ZC3H3: variants seen among roughly 807,000 people sequenced by gnomAD.
ZC3H3 encodes the protein zinc finger CCCH-type containing 3.
A neutral mutation model predicts 77.3 loss-of-function variants in ZC3H3; 36 were observed. The observed-to-expected ratio is 0.47, with a 90% CI of 0.36 to 0.61. The LOEUF is 0.61. ZC3H3 is among the 20% of genes least tolerant of loss of function. The pLI is 0.00. For missense variants in ZC3H3, 1,331 were observed against 1,312.2 expected (o/e 1.01, Z -0.22); for synonymous variants, 626 against 555.2 (o/e 1.13, Z -1.79).
At position 143,470,195 on chromosome 8, in the gene ZC3H3, T is replaced by C. The variant is rs577430084; in HGVS notation, c.1904-1536A>G. Among the ~76,000 whole-genome samples the C allele has an allele frequency of 2.8e-3, 423 of 152,316 alleles. 1 individual carries two copies. Among genetic ancestry groups the C allele is most frequent in the Non-Finnish European group, 4.3e-3 (294 of 68,034 alleles). The stretch of plus-strand genomic sequence containing the variant: ...CCCTAGCTAGGGTCAGTGGTGCTGC[T>C]GCCCTTCACCCTCAGGGGCCCTGCC... On this transcript the variant is annotated intron_variant, in intron 5 of 11. Transcript: ENST00000262577.
rs1430695368 is a variant in ZC3H3 at position 143,441,091 on chromosome 8, G to A, written c.2337C>T (p.Pro779=). 5.5e-6 allele frequency: 8 copies of A among 1,459,570 alleles called. No homozygotes were observed. Among genetic ancestry groups the A allele is most frequent in the South Asian group, 2.8e-5 (2 of 70,224 alleles). The allele number at this position is 1,459,570 out of a possible 1,614,324, so 90.4% of individuals were successfully genotyped here. The change falls in exon 10 of 12, where the codon CCC becomes CCT. Residue 779 remains proline, a synonymous_variant. Coordinates refer to ENST00000262577, the MANE Select transcript of ZC3H3 (RefSeq NM_015117.3). ...KCKKKHTLLC[P]DFARRGACPR... ...GACACGCCCCCCTGCGGGCAAAGTC[G>A]GGGCACAGCAGCGTGTGTTTCTTCT...
intron 3 of ZC3H3, among the ~76,000 whole-genome samples, chr8:143,521,754 GC>G (rs1384003574): frequency 6.6e-6 from 1 of 152,188 alleles, no homozygotes; most frequent in Non-Finnish European, 1.5e-5. Context: ...AGAGTCTGGG[GC>G]CCCCAGAAGG....
At chr8:143,448,250 G>A (rs1335388056) in intron 9 of ZC3H3, among the ~76,000 whole-genome samples, 1 of 151,914 alleles carries the variant, frequency 6.6e-6, no homozygotes, top group Non-Finnish European at 1.5e-5. Flanking sequence ...AGGTTGCGGT[G>A]AGCCAAGATA....
At chr8:143,456,363 G>A (rs1820123116) in intron 9 of ZC3H3, among the ~76,000 whole-genome samples, 1 of 152,118 alleles carries the variant, frequency 6.6e-6, no homozygotes, top group Non-Finnish European at 1.5e-5. Context: ...ACAGAGATTG[G>A]CAGAGTGAAT....
Position 143,440,303 on chromosome 8 carries a change from C to G in ZC3H3, c.2553G>C (p.Ala851=). The change falls in exon 11 of 12, where the codon GCG becomes GCC. Residue 851 remains alanine (A), a synonymous_variant. Coordinates refer to ENST00000262577, the MANE Select transcript of ZC3H3 (RefSeq NM_015117.3). ...AGTGGGGAGGTGCAGCCACGGCAGC[C>G]GCAGTGAGGGCAGCCGAGCTGGGCG... ...RQTPSSAALT[A]AAVAAPPHCP... The G allele has an allele frequency of 1.3e-6, 2 of 1,564,288 alleles. No individual in the cohort carries two copies. Among genetic ancestry groups the G allele is most frequent in the Non-Finnish European group, 8.7e-7 (1 of 1,152,388 alleles).
Position 143,440,248 on chromosome 8 carries a change from A to C in ZC3H3, c.2608T>G (p.Ser870Ala). Reference sequence around the variant, plus strand: ...GAGGAGGAGGAGGAGGAAGCCTTCGAGGATGAGGGAGAGGCTGACCCCCCT... The same window carrying C: ...GAGGAGGAGGAGGAGGAAGCCTTCGCGGATGAGGGAGAGGCTGACCCCCCT... The part of the protein sequence containing the change: ...CPGGSASPSS[S>A]KASSSSSSSS... Residue 870 changes from serine (S) to alanine (A), a missense_variant, in exon 11 of 12, where the codon TCG becomes GCG. Coordinates refer to ENST00000262577, the MANE Select transcript of ZC3H3 (RefSeq NM_015117.3). 1.3e-6 allele frequency: 2 copies of C among 1,596,692 alleles called. No individual in the cohort carries two copies. The highest frequency in any genetic ancestry group is 1.7e-6 in the Non-Finnish European group (2 of 1,172,954).
intron 3 of ZC3H3, among the ~76,000 whole-genome samples, chr8:143,523,069 C>T (rs535751656): frequency 4.6e-4 from 70 of 152,328 alleles, no homozygotes; most frequent in African/African-American, 1.0e-3. Flanking sequence ...GGGCTAGTGA[C>T]GGGGCAATCT....
At chr8:143,495,765 T>TC (rs565120311) in intron 4 of ZC3H3, among the ~76,000 whole-genome samples, 5 of 141,518 alleles carry the variant, frequency 3.5e-5, no homozygotes, top group Non-Finnish European at 6.0e-5. Flanking sequence ...TTTCTTTCTT[T>TC]TTTTTTTTTT....
chr8:143,536,176 G>A, intron 3 of ZC3H3, 81 bp downstream of exon 3: 2 of 1,473,152 alleles, frequency 1.4e-6, no homozygotes, highest in Non-Finnish European at 1.8e-6. Flanking sequence ...GGCAGGGAAG[G>A]TGCCCATGGC....
At chr8:143,516,752 G>C (rs922858722) in intron 3 of ZC3H3, among the ~76,000 whole-genome samples, 3 of 152,202 alleles carry the variant, frequency 2.0e-5, no homozygotes, top group African/African-American at 7.2e-5. Context: ...CACATGAGAG[G>C]ATGGCCCCTC....
At chr8:143,478,276 G>A (rs1357536062) in intron 4 of ZC3H3, among the ~76,000 whole-genome samples, 2 of 152,190 alleles carry the variant, frequency 1.3e-5, no homozygotes, top group African/African-American at 2.4e-5. Flanking sequence ...GCTCTCCAAA[G>A]GCACCCGGAT....
In ZC3H3 at chr8:143,527,570, T is replaced by C. The variant is rs1308535682; in HGVS notation, c.1561+8687A>G. Among the ~76,000 whole-genome samples, 3 of 152,378 alleles carry C rather than the reference T, an allele frequency of 2.0e-5. 1 individual carries two copies. The Middle Eastern group carries it at 0.01, about 518-fold the overall frequency. ...GAGGCCGCCGGCATGCCTGATAATT[T>C]ATGCAAGATTCAAAGATCGCTGTGG... is the stretch of plus-strand genomic sequence containing the variant. On this transcript the variant is annotated intron_variant, in intron 3 of 11. Transcript: ENST00000262577.
At chr8:143,535,459 C>T (rs1822763329) in intron 3 of ZC3H3, among the ~76,000 whole-genome samples, 1 of 152,222 alleles carries the variant, frequency 6.6e-6, no homozygotes, top group Non-Finnish European at 1.5e-5. Flanking sequence ...ACTGCCCTAA[C>T]GCGCCCAGCA....
chr8:143,533,774 C>T lies in ZC3H3; in HGVS notation c.1561+2483G>A, dbSNP rs1433050019. Among the ~76,000 whole-genome samples, 1 of 150,524 alleles carries T rather than the reference C, an allele frequency of 6.6e-6. No individual in the cohort carries two copies. ...CGATCTAACCTCTGCCTCCTGGGTT[C>T]AAGTGATTCTCCTGCCTCAGCCTCC... On this transcript the variant is annotated intron_variant, in intron 3 of 11. Transcript: ENST00000262577. This position sits in a 1 kb window ranked among gnomAD's most constrained non-coding sequence, Gnocchi z 4.0.
chr8:143,526,951 C>A (rs1822430580), intron 3 of ZC3H3, among the ~76,000 whole-genome samples: 1 of 152,146 alleles, frequency 6.6e-6, no homozygotes, highest in South Asian at 2.1e-4. Flanking sequence ...CAGCACAAGC[C>A]CTGCTGGCCA....
At position 143,464,209 on chromosome 8, in the gene ZC3H3, C is replaced by T. The variant is rs140329395; in HGVS notation, c.2307+1508G>A. On this transcript the variant is annotated intron_variant, in intron 9 of 11. Transcript: ENST00000262577. ...ATGCGGGCGCCGCGGCGCGGACACACGGAAAGGCAGCAGTAAGCACTTCCA... is the reference window on the plus strand; with the variant it reads ...ATGCGGGCGCCGCGGCGCGGACACATGGAAAGGCAGCAGTAAGCACTTCCA... 1.1e-3 allele frequency among the ~76,000 whole-genome samples: 171 copies of T among 152,382 alleles called. 1 individual carries two copies. Among genetic ancestry groups the T allele is most frequent in the Middle Eastern group, 3.4e-3 (1 of 294 alleles).
At chr8:143,502,350 C>G (rs527620196) in intron 4 of ZC3H3, among the ~76,000 whole-genome samples, 1 of 152,272 alleles carries the variant, frequency 6.6e-6, no homozygotes, top group African/African-American at 2.4e-5. Flanking sequence ...AGGAGACACG[C>G]GTGGGGAGCG....
intron 5 of ZC3H3, among the ~76,000 whole-genome samples, chr8:143,471,148 G>A (rs950812036): frequency 4.6e-5 from 7 of 152,230 alleles, no homozygotes; most frequent in Admixed American, 1.3e-4. Flanking sequence ...ACCGGGGCAC[G>A]CAGGCAGCCC....
chr8:143,532,315 C>A (rs571591804), intron 3 of ZC3H3, among the ~76,000 whole-genome samples: 1 of 152,256 alleles, frequency 6.6e-6, no homozygotes, highest in Admixed American at 6.5e-5. Flanking sequence ...GGCTGAAGTG[C>A]GGCGGGGGAG....
Sources: allele counts gnomAD v4.1 joint callset (sites outside exome capture counted in the v4.1 genomes callset), GRCh38; gene constraint gnomAD v4.1.1; non-coding constraint Gnocchi (gnomAD v3.1); transcripts MANE v1.5; gene names NCBI Gene and HGNC (gene_info 2026-07-23, HGNC 2026-07-21).